Variants in GLMN observed in about 807,000 individuals in gnomAD.
GLMN encodes the protein glomulin, FKBP associated protein, also known as glomulin.
Under a neutral mutation model 87.8 loss-of-function variants are expected in GLMN, and 75 were observed. That is an observed-to-expected ratio of 0.85 (90% CI 0.71 to 1.04). The LOEUF is 1.04. Ranked by LOEUF, GLMN falls within the 50% of genes least tolerant of loss-of-function variation. The pLI is 0.00. For synonymous variants in GLMN, 206 were observed against 221.6 expected (o/e 0.93, Z 0.63); for missense variants, 588 against 658.8 (o/e 0.89, Z 1.18).
chr1:92,299,402 G>GT (rs1380879269), upstream of GLMN, among the ~76,000 whole-genome samples: 1 of 152,168 alleles, frequency 6.6e-6, no homozygotes, highest in African/African-American at 2.4e-5. Context: ...ACAAAGGACA[G>GT]TGGAGGCCCC....
At chr1:92,267,682 C>T (rs533458399) in intron 11 of GLMN, among the ~76,000 whole-genome samples, 30 of 149,410 alleles carry the variant, frequency 2.0e-4, no homozygotes, top group African/African-American at 6.4e-4. Flanking sequence ...CCAACCTGGG[C>T]GACACAGCAA....
the GLMN span, among the ~76,000 whole-genome samples, chr1:92,318,298 C>T: frequency 6.6e-6 from 1 of 152,184 alleles, no homozygotes; most frequent in Non-Finnish European, 1.5e-5. Context: ...GTCCTCTTAG[C>T]ATCCCTGGGG....
At chr1:92,356,534 T>G in the GLMN span, among the ~76,000 whole-genome samples, 1 of 151,110 alleles carries the variant, frequency 6.6e-6, no homozygotes, top group East Asian at 2.0e-4. Context: ...TCCTCCTGCC[T>G]CAGCCTTCCA....
At chr1:92,306,121 G>C in the GLMN span, among the ~76,000 whole-genome samples, 1 of 152,270 alleles carries the variant, frequency 6.6e-6, no homozygotes, top group South Asian at 2.1e-4. Flanking sequence ...AAATAAGCCA[G>C]CACAAAAGGA....
At chr1:92,263,325 TAC>T (rs953983413) in intron 15 of GLMN, among the ~76,000 whole-genome samples, 1 of 152,166 alleles carries the variant, frequency 6.6e-6, no homozygotes, top group Non-Finnish European at 1.5e-5. Context: ...ATAAATTACA[TAC>T]ACAGATTTTT....
the GLMN span, among the ~76,000 whole-genome samples, chr1:92,318,490 T>G: frequency 1.3e-5 from 2 of 152,204 alleles, no homozygotes; most frequent in African/African-American, 4.8e-5. Context: ...TCCCACCTTT[T>G]TTTTCTTTCT....
the GLMN span, among the ~76,000 whole-genome samples, chr1:92,354,061 C>A: frequency 6.6e-6 from 1 of 152,132 alleles, no homozygotes; most frequent in Non-Finnish European, 1.5e-5. Flanking sequence ...TGCACTCCAA[C>A]TTCACTATCC....
At chr1:92,305,432 CAAAAAAA>C in the GLMN span, among the ~76,000 whole-genome samples, 2 of 52,696 alleles carry the variant, frequency 3.8e-5, no homozygotes, top group Non-Finnish European at 5.8e-5. Flanking sequence ...GGCTCCGTCT[CAAAAAAA>C]AAAAAAAAAA....
the GLMN span, among the ~76,000 whole-genome samples, chr1:92,328,474 T>C: frequency 0.26 from 39,495 of 152,116 alleles, 6,515 homozygotes; most frequent in Non-Finnish European, 0.35. Context: ...TCTCTAAGTA[T>C]GTCCTTCATT....
At chr1:92,322,985 A>G in the GLMN span, among the ~76,000 whole-genome samples, 1 of 146,642 alleles carries the variant, frequency 6.8e-6, no homozygotes, top group South Asian at 2.1e-4. Context: ...TATATATTAT[A>G]TATGTAAATA....
In GLMN at chr1:92,246,594, C is replaced by A. The variant is rs758016804; in HGVS notation, c.1721G>T (p.Arg574Leu). The A allele has an allele frequency of 1.3e-6, 2 of 1,598,684 alleles. No individual in the cohort carries two copies. The highest frequency in any genetic ancestry group is 8.6e-7 in the Non-Finnish European group (1 of 1,166,176). ...TTTTATTTCAATGAGTTCTTCCACT[C>A]GAGCTAGAACACTTTCAATCAAATC... is the stretch of plus-strand genomic sequence containing the variant. ...TFDLIESVLA[R>L]VEELIEIKTK... The change falls in exon 19 of 19, where the codon CGA becomes CTA. Residue 574 changes from arginine to leucine, a missense_variant. Transcript: ENST00000370360.
chr1:92,307,302 A>G, the GLMN span: 3 of 1,410,022 alleles, frequency 2.1e-6, no homozygotes, highest in Non-Finnish European at 3.0e-6. Flanking sequence ...GTGTATATAC[A>G]TTTGTTCATA....
At chr1:92,320,716 T>C in the GLMN span, 1 of 1,082,680 alleles carries the variant, frequency 9.2e-7, no homozygotes, top group Admixed American at 1.8e-5. Flanking sequence ...ATATGAGCTC[T>C]TGGACTTCCT....
chr1:92,251,797 T>C (rs1653543754), intron 16 of GLMN, among the ~76,000 whole-genome samples: 2 of 147,654 alleles, frequency 1.4e-5, no homozygotes, highest in South Asian at 4.3e-4. Context: ...CCCAAAACTT[T>C]TTTTTTTTTT....
the GLMN span, among the ~76,000 whole-genome samples, chr1:92,338,758 C>T: frequency 6.6e-6 from 1 of 151,426 alleles, no homozygotes; most frequent in African/African-American, 2.4e-5. Flanking sequence ...CAAGCCGCAG[C>T]CTGGCTAATT....
intron 11 of GLMN, among the ~76,000 whole-genome samples, chr1:92,267,248 A>G (rs1277651269): frequency 6.6e-6 from 1 of 152,182 alleles, no homozygotes; most frequent in East Asian, 1.9e-4. Context: ...GAGTCCTGAG[A>G]ACTTGAGTTA....
At chr1:92,298,123 A>G in intron 1 of GLMN, 94 bp from the exon 2 acceptor site, 1 of 657,662 alleles carries the variant, frequency 1.5e-6, no homozygotes, top group Non-Finnish European at 2.8e-6. Context: ...AGTAAATACA[A>G]TAAAGAAAAT....
intron 7 of GLMN, among the ~76,000 whole-genome samples, chr1:92,275,353 C>T (rs1647205436): frequency 6.6e-6 from 1 of 152,144 alleles, no homozygotes; most frequent in African/African-American, 2.4e-5. Flanking sequence ...ACCTTGATAC[C>T]CACTAGTTCT....
chr1:92,333,940 T>G, the GLMN span, among the ~76,000 whole-genome samples: 24 of 152,366 alleles, frequency 1.6e-4, 1 homozygote, highest in South Asian at 4.8e-3. Flanking sequence ...AACGTTGCAC[T>G]TTAGCTTTAA....
Sources: allele counts gnomAD v4.1 joint callset (sites outside exome capture counted in the v4.1 genomes callset), GRCh38; gene constraint gnomAD v4.1.1; transcripts MANE v1.5; gene names NCBI Gene and HGNC (gene_info 2026-07-23, HGNC 2026-07-21).